Variants in PINX1 observed in about 807,000 individuals in gnomAD.
PINX1 encodes the protein PIN2/TERF1-interacting telomerase inhibitor 1.
A neutral mutation model predicts 25.4 loss-of-function variants in PINX1; 34 were observed. The observed-to-expected ratio is 1.34, with a 90% CI of 1.02 to 1.78. PINX1 has a LOEUF of 1.78. Ranked by LOEUF, PINX1 falls within the 40% of genes most tolerant of loss-of-function variation. The pLI, the probability that PINX1 is intolerant of heterozygous loss-of-function variation, is 0.00. For missense variants in PINX1, 592 were observed against 404.9 expected, an observed-to-expected ratio of 1.46 and a Z score of -3.97; for synonymous variants, 197 against 147.7, an observed-to-expected ratio of 1.33 and a Z score of -2.42.
At chr8:10,781,007 C>G (rs1259629034) in intron 6 of PINX1, among the ~76,000 whole-genome samples, 1 of 152,132 alleles carries the variant, frequency 6.6e-6, no homozygotes, top group African/African-American at 2.4e-5. Flanking sequence ...AAAACAGACA[C>G]ACAGACCAAT....
intron 6 of PINX1, among the ~76,000 whole-genome samples, chr8:10,797,125 G>T (rs896131583): frequency 1.3e-5 from 2 of 152,116 alleles, no homozygotes; most frequent in South Asian, 2.1e-4. Context: ...GAGTGTTGCT[G>T]CCGTGGAGGG....
intron 4 of PINX1, among the ~76,000 whole-genome samples, chr8:10,831,314 T>C (rs975477377): frequency 3.9e-5 from 6 of 152,156 alleles, no homozygotes; most frequent in Non-Finnish European, 1.5e-5. Flanking sequence ...CAGCTAAAGA[T>C]TGGCTAATGG....
At chr8:10,787,209 G>GCA (rs575271024) in intron 6 of PINX1, among the ~76,000 whole-genome samples, 99 of 147,640 alleles carry the variant, frequency 6.7e-4, no homozygotes, top group Admixed American at 2.6e-3. Context: ...CATATTTTAT[G>GCA]CACACACACA....
chr8:10,793,764 T>C (rs1359804500), intron 6 of PINX1, among the ~76,000 whole-genome samples: 4 of 152,096 alleles, frequency 2.6e-5, no homozygotes, highest in African/African-American at 9.7e-5. Context: ...CCATTTTGCC[T>C]CAGGGATCTC....
chr8:10,776,379 C>T (rs569563466), intron 6 of PINX1, among the ~76,000 whole-genome samples: 16 of 152,060 alleles, frequency 1.1e-4, no homozygotes, highest in African/African-American at 3.6e-4. Context: ...GAGCCGAAGT[C>T]GTGCCACTGC....
chr8:10,812,806 C>G (rs1490092690), intron 6 of PINX1, among the ~76,000 whole-genome samples: 1 of 151,978 alleles, frequency 6.6e-6, no homozygotes, highest in Non-Finnish European at 1.5e-5. Flanking sequence ...GCACAGCCTC[C>G]CTGACACCGC....
intron 1 of PINX1, 53 bp from the exon 2 acceptor site, chr8:10,834,828 CCA>C: frequency 7.8e-7 from 1 of 1,280,950 alleles, no homozygotes; most frequent in Non-Finnish European, 1.1e-6. Flanking sequence ...CCGGAAAATA[CCA>C]CACAAACATA....
chr8:10,839,841 G>C lies in PINX1; in HGVS notation c.-85C>G. 5 of 1,331,286 alleles carry C rather than the reference G, an allele frequency of 3.8e-6. No individual in the cohort carries two copies. Among genetic ancestry groups the C allele is most frequent in the Middle Eastern group, 1.8e-4 (1 of 5,484 alleles). 82.5% of individuals were successfully genotyped at this position (1,331,286 alleles called of 1,614,324 possible). On this transcript the variant is annotated 5_prime_UTR_variant, in exon 1 of 7. Coordinates refer to ENST00000314787, the MANE Select transcript of PINX1 (RefSeq NM_017884.6). ...CTGGAGACTCCAGGAGAATCAGGAC[G>C]TGCGTAACTCCCTCGCCGGCGGACT... is the stretch of plus-strand genomic sequence containing the variant.
intron 6 of PINX1, among the ~76,000 whole-genome samples, chr8:10,773,748 T>TA (rs145726491): frequency 6.6e-6 from 1 of 152,362 alleles, no homozygotes; most frequent in East Asian, 1.9e-4. Context: ...GATGGTTCTC[T>TA]ATGGCAACAG....
At chr8:10,795,071 G>T (rs767147403) in intron 6 of PINX1, among the ~76,000 whole-genome samples, 1 of 152,154 alleles carries the variant, frequency 6.6e-6, no homozygotes, top group Admixed American at 6.5e-5. Flanking sequence ...TGCATTCAGA[G>T]AATCAGAAGA....
At position 10,791,819 on chromosome 8, in the gene PINX1, G is replaced by GC. The variant is rs1801931995; in HGVS notation, c.472-25904dup. 2.0e-5 allele frequency among the ~76,000 whole-genome samples: 3 copies of GC among 152,198 alleles called. No individual in the cohort carries two copies. In the South Asian group the frequency reaches 6.2e-4, roughly 31 times the overall value. Reference sequence around the variant, plus strand: ...CAGCACTGCGCGAGGCAAAGGACTTGCATTTGGCCTGTGGTGCTGCCGCGG... The same window carrying GC: ...CAGCACTGCGCGAGGCAAAGGACTTGCCATTTGGCCTGTGGTGCTGCCGCGG... On this transcript the variant is annotated intron_variant, in intron 6 of 6. Transcript: ENST00000314787.
intron 6 of PINX1, among the ~76,000 whole-genome samples, chr8:10,813,338 G>A (rs546240820): frequency 4.6e-5 from 7 of 152,236 alleles, no homozygotes; most frequent in Admixed American, 3.3e-4. Flanking sequence ...TTCAGAAAAG[G>A]AGAAACACCC....
intron 6 of PINX1, among the ~76,000 whole-genome samples, chr8:10,782,588 T>A (rs997886266): frequency 6.6e-6 from 1 of 151,446 alleles, no homozygotes; most frequent in African/African-American, 2.4e-5. Context: ...ATACAAAAAT[T>A]AGCTGGGCGT....
At chr8:10,822,575 A>G (rs1263482600) in intron 5 of PINX1, among the ~76,000 whole-genome samples, 1 of 152,232 alleles carries the variant, frequency 6.6e-6, no homozygotes, top group Non-Finnish European at 1.5e-5. Context: ...TTTGTCTAAT[A>G]ATCATGATTA....
At chr8:10,790,212 G>C (rs1046155309) in intron 6 of PINX1, among the ~76,000 whole-genome samples, 3 of 152,062 alleles carry the variant, frequency 2.0e-5, no homozygotes, top group Non-Finnish European at 4.4e-5. Context: ...GCGATCTAAC[G>C]GGGCTGAATA....
intron 6 of PINX1, among the ~76,000 whole-genome samples, chr8:10,774,377 G>A (rs1167029613): frequency 6.6e-6 from 1 of 152,024 alleles, no homozygotes; most frequent in Non-Finnish European, 1.5e-5. Flanking sequence ...CGCCTCCAGG[G>A]TTCAAGTGAT....
chr8:10,807,716 G>C (rs1563222516), intron 6 of PINX1, among the ~76,000 whole-genome samples: 1 of 152,202 alleles, frequency 6.6e-6, no homozygotes, highest in Non-Finnish European at 1.5e-5. Context: ...TTTCAACTCA[G>C]AATTCTATAC....
In PINX1 at chr8:10,834,890, C is replaced by T. The variant is rs189948441; in HGVS notation, c.20-115G>A. The T allele has an allele frequency of 2.1e-4, 136 of 660,854 alleles. No individual in the cohort carries two copies. The African/African-American group carries it at 2.3e-3, about 11-fold the overall frequency. The allele number at this position is 660,854 out of a possible 1,614,324, so 40.9% of individuals were successfully genotyped here. A position where few individuals can be genotyped will look rare whatever the true frequency, so the allele number is the denominator to read the frequency against. On this transcript the variant is annotated intron_variant, in intron 1 of 6. Transcript: ENST00000314787. ...ATGTATGTATGTAAAATATGACATA[C>T]ATTACAATACAGAAATTAATTCAAC...
intron 6 of PINX1, among the ~76,000 whole-genome samples, chr8:10,770,707 GCA>G (rs1042867091): frequency 2.0e-5 from 3 of 152,304 alleles, no homozygotes; most frequent in African/African-American, 7.2e-5. Context: ...GAAGCAGTTT[GCA>G]CAGAGACCTT....
Sources: gnomAD v4.1 joint callset for allele counts (sites outside exome capture counted in the v4.1 genomes callset) on GRCh38, gnomAD v4.1.1 for gene constraint, MANE v1.5 for transcripts, NCBI Gene and HGNC (gene_info 2026-07-23, HGNC 2026-07-21) for gene names.